CA10: variants seen among roughly 807,000 people sequenced by gnomAD.
CA10 encodes carbonic anhydrase-related protein 10.
In CA10, 14 loss-of-function variants were observed where a neutral mutation model predicts 44.2. The observed-to-expected ratio is 0.32, with a 90% CI of 0.21 to 0.50. CA10 has a LOEUF of 0.50. Ranked by LOEUF, CA10 falls within the 20% of genes least tolerant of loss-of-function variation. The pLI is 0.99. For missense variants in CA10, 350 were observed against 409.7 expected (o/e 0.85, Z 1.26); for synonymous variants, 159 against 141.6 (o/e 1.12, Z -0.87).
chr17:51,993,883 T>C (rs1405305053), intron 2 of CA10, among the ~76,000 whole-genome samples: 2 of 152,064 alleles, frequency 1.3e-5, no homozygotes, highest in Non-Finnish European at 2.9e-5. Context: ...CTTTTATTGA[T>C]AAATTACTAA....
At chr17:51,663,517 A>G (rs1244719080) in intron 4 of CA10, among the ~76,000 whole-genome samples, 1 of 78,922 alleles carries the variant, frequency 1.3e-5, no homozygotes, top group Non-Finnish European at 2.4e-5. Context: ...TCTGGCTCCA[A>G]GTCCTGGGTC....
chr17:51,831,681 G>GCAT (rs1567854514), intron 3 of CA10, among the ~76,000 whole-genome samples: 36 of 70,342 alleles, frequency 5.1e-4, no homozygotes, highest in African/African-American at 1.3e-3. Context: ...AGCAGCAGCA[G>GCAT]CAGCAGCAGC....
intron 4 of CA10, among the ~76,000 whole-genome samples, chr17:51,721,236 G>A (rs1342026423): frequency 6.6e-6 from 1 of 152,148 alleles, no homozygotes; most frequent in Non-Finnish European, 1.5e-5. Context: ...GGAGGCTGAG[G>A]CTGGAGAATC....
At chr17:51,915,977 A>C (rs1044406526) in intron 3 of CA10, among the ~76,000 whole-genome samples, 1 of 152,078 alleles carries the variant, frequency 6.6e-6, no homozygotes, top group African/African-American at 2.4e-5. Context: ...AAAAAAAAAA[A>C]AACCTTACCT....
At chr17:51,874,964 T>TTTTTCTTTTCTTTTCTTTTC (rs771507952) in intron 3 of CA10, among the ~76,000 whole-genome samples, 1 of 73,328 alleles carries the variant, frequency 1.4e-5, no homozygotes. Flanking sequence ...TTTTTTCTTT[T>TTTTTCTTTTCTTTTCTTTTC]TTTTCTTTTC....
intron 2 of CA10, among the ~76,000 whole-genome samples, chr17:52,047,345 A>G (rs1480212997): frequency 6.6e-6 from 1 of 152,072 alleles, no homozygotes; most frequent in Non-Finnish European, 1.5e-5. Flanking sequence ...TTTTGGGATC[A>G]TAAAAATATT....
chr17:51,931,307 T>C (rs1357969377), intron 2 of CA10, among the ~76,000 whole-genome samples, 175 bp from the exon 3 acceptor site: 2 of 152,096 alleles, frequency 1.3e-5, no homozygotes, highest in East Asian at 3.9e-4. Flanking sequence ...TTGGTCCACT[T>C]CTCTAAGTCT....
intron 4 of CA10, among the ~76,000 whole-genome samples, chr17:51,730,317 A>G (rs1916669766): frequency 1.3e-5 from 2 of 152,226 alleles, no homozygotes; most frequent in Admixed American, 6.5e-5. Flanking sequence ...ATTATTTTGG[A>G]TTAGTCATTC....
chr17:51,686,707 G>T (rs1333251332), intron 4 of CA10, among the ~76,000 whole-genome samples: 3 of 152,102 alleles, frequency 2.0e-5, no homozygotes, highest in Admixed American at 2.0e-4. Context: ...TGTATACTTA[G>T]TGTCTCAAAT....
At chr17:51,745,064 AC>A (rs1034980906) in intron 4 of CA10, among the ~76,000 whole-genome samples, 29 of 152,238 alleles carry the variant, frequency 1.9e-4, no homozygotes, top group African/African-American at 6.0e-4. Flanking sequence ...TGTGTGTGTG[AC>A]CACCCTACTT....
intron 4 of CA10, among the ~76,000 whole-genome samples, chr17:51,699,576 T>C (rs1365172132): frequency 6.6e-6 from 1 of 152,128 alleles, no homozygotes; most frequent in Non-Finnish European, 1.5e-5. Context: ...CTCGAGAGCA[T>C]AAGAAAAAAC....
intron 3 of CA10, among the ~76,000 whole-genome samples, chr17:51,752,423 T>C (rs1258505809): frequency 1.3e-5 from 2 of 151,778 alleles, no homozygotes; most frequent in Non-Finnish European, 2.9e-5. Flanking sequence ...CACAGTTCTT[T>C]TTGTTTTACC....
At chr17:51,822,427 CA>C (rs112644692) in intron 3 of CA10, among the ~76,000 whole-genome samples, 36,732 of 137,494 alleles carry the variant, frequency 0.27, 4,644 homozygotes, top group Admixed American at 0.35. Context: ...AAAAACAAAA[CA>C]AAAACAAAAA....
chr17:52,115,041 G>A (rs1285512101), intron 1 of CA10, among the ~76,000 whole-genome samples: 2 of 152,172 alleles, frequency 1.3e-5, no homozygotes, highest in Non-Finnish European at 1.5e-5. Flanking sequence ...GTGCAGATAA[G>A]GGAACCTGCA....
intron 1 of CA10, among the ~76,000 whole-genome samples, chr17:52,079,276 AC>A (rs1359445847): frequency 6.6e-6 from 1 of 151,740 alleles, no homozygotes; most frequent in African/African-American, 2.4e-5. Flanking sequence ...ACAGAGCGAA[AC>A]TCCGTCTCAA....
intron 3 of CA10, among the ~76,000 whole-genome samples, chr17:51,831,693 G>T (rs1035466636): frequency 0.011 from 929 of 81,022 alleles, 22 homozygotes; most frequent in African/African-American, 0.032. Context: ...AGCAGCAGCA[G>T]CAGCAGCAGC....
At chr17:51,946,731 T>C (rs1983287928) in intron 2 of CA10, among the ~76,000 whole-genome samples, 1 of 152,214 alleles carries the variant, frequency 6.6e-6, no homozygotes, top group East Asian at 1.9e-4. Context: ...TCCTCTAAAA[T>C]TCTGTTTTAT....
At chr17:51,993,509 C>T (rs753113432) in intron 2 of CA10, among the ~76,000 whole-genome samples, 5 of 151,942 alleles carry the variant, frequency 3.3e-5, no homozygotes, top group African/African-American at 2.4e-5. Flanking sequence ...TATTAGCATC[C>T]GTGTAACCAT....
At chr17:51,835,437 C>T (rs1908441482) in intron 3 of CA10, among the ~76,000 whole-genome samples, 1 of 152,248 alleles carries the variant, frequency 6.6e-6, no homozygotes, top group Non-Finnish European at 1.5e-5. Context: ...CACAGCTGTA[C>T]TTCTTAAACA....
Sources: allele counts gnomAD v4.1 joint callset (sites outside exome capture counted in the v4.1 genomes callset), GRCh38; gene constraint gnomAD v4.1.1; transcripts MANE v1.5; gene names NCBI Gene and HGNC (gene_info 2026-07-23, HGNC 2026-07-21).